FGF12: variants seen among roughly 807,000 people sequenced by gnomAD.
FGF12 encodes fibroblast growth factor 12B.
In FGF12, 14 loss-of-function variants were observed where a neutral mutation model predicts 23.6. That is an observed-to-expected ratio of 0.59 (90% CI 0.39 to 0.93). The LOEUF (loss-of-function observed/expected upper bound fraction) is 0.93. FGF12 is among the 40% of genes least tolerant of loss of function. The probability of loss-of-function intolerance (pLI) is 0.00; values close to 1 mark genes in which losing one functional copy is unlikely to be tolerated. For synonymous variants in FGF12, 62 were observed against 77.3 expected, an observed-to-expected ratio of 0.80 and a Z score of 1.04; for missense variants, 175 against 217.8, an observed-to-expected ratio of 0.80 and a Z score of 1.24.
At chr3:192,350,754 T>C (rs1206835552) in intron 3 of FGF12, among the ~76,000 whole-genome samples, 1 of 152,136 alleles carries the variant, frequency 6.6e-6, no homozygotes, top group Non-Finnish European at 1.5e-5. Context: ...TGAGATTATA[T>C]AAAACGTTAT....
intron 2 of FGF12, among the ~76,000 whole-genome samples, chr3:192,391,657 AT>A (rs1720297548): frequency 6.6e-6 from 1 of 152,238 alleles, no homozygotes; most frequent in Admixed American, 6.5e-5. Flanking sequence ...CAAATCTCCT[AT>A]ATGAAATACA....
intron 2 of FGF12, among the ~76,000 whole-genome samples, chr3:192,404,950 T>G (rs894695015): frequency 6.6e-5 from 10 of 152,158 alleles, no homozygotes; most frequent in South Asian, 2.1e-4. Context: ...ATACCAATGG[T>G]TAAAACTTTG....
At chr3:192,568,541 G>A (rs1235243515) in intron 2 of FGF12, among the ~76,000 whole-genome samples, 1 of 152,184 alleles carries the variant, frequency 6.6e-6, no homozygotes, top group East Asian at 1.9e-4. Context: ...CTTGGTCTAA[G>A]AGGAAATGAA....
intron 4 of FGF12, among the ~76,000 whole-genome samples, chr3:192,262,637 C>CA (rs1712830630): frequency 6.6e-6 from 1 of 152,048 alleles, no homozygotes; most frequent in Non-Finnish European, 1.5e-5. Flanking sequence ...GCATAGGAAC[C>CA]AGAGTCTATA....
At chr3:192,456,030 T>C (rs1722672806) in intron 2 of FGF12, among the ~76,000 whole-genome samples, 1 of 152,212 alleles carries the variant, frequency 6.6e-6, no homozygotes, top group Non-Finnish European at 1.5e-5. Context: ...TGTTATCAAC[T>C]CAACCTGACT....
At position 192,167,773 on chromosome 3, in the gene FGF12, T is replaced by TATATAA. The variant is rs1560175832; in HGVS notation, c.427+2684_427+2685insTTATAT. 2.6e-3 allele frequency among the ~76,000 whole-genome samples: 33 copies of TATATAA among 12,556 alleles called. 3 individuals carry two copies. The highest frequency in any genetic ancestry group is 5.6e-3 in the African/African-American group (29 of 5,158). The allele number at this position is 12,556 out of a possible 152,430, so 8.2% of individuals were successfully genotyped here. A position where few individuals can be genotyped will look rare whatever the true frequency, so the allele number is the denominator to read the frequency against. ...TATATATATATATATATATATAAAA[T>TATATAA]TTTTTTTTTTTTTTTTTTTTGAGAA... On this transcript the variant is annotated intron_variant, in intron 5 of 5. Coordinates refer to ENST00000445105, the MANE Select transcript of FGF12 (RefSeq NM_004113.6).
intron 4 of FGF12, among the ~76,000 whole-genome samples, chr3:192,236,616 T>A (rs892513170): frequency 6.6e-6 from 1 of 152,184 alleles, no homozygotes; most frequent in Non-Finnish European, 1.5e-5. Flanking sequence ...CCCTTATTTG[T>A]CCCTTTTGAT....
In FGF12 at chr3:192,714,573, C is replaced by A. The variant is rs1415895924; in HGVS notation, c.13+12608G>T. ...TCGCTCTGTCGCCCAGGCTGGAGTG[C>A]AGCGGCGCAATCTCGGCTCACTGCA... On this transcript the variant is annotated intron_variant, in intron 2 of 5. Coordinates refer to ENST00000445105, the MANE Select transcript of FGF12 (RefSeq NM_004113.6). Among the ~76,000 whole-genome samples, 6 of 130,618 alleles carry A rather than the reference C, an allele frequency of 4.6e-5. 1 individual carries two copies. The highest frequency in any genetic ancestry group is 9.1e-5 in the Admixed American group (1 of 10,976). The allele number at this position is 130,618 out of a possible 152,430, so 85.7% of individuals were successfully genotyped here. A position where few individuals can be genotyped will look rare whatever the true frequency, so the allele number is the denominator to read the frequency against.
intron 3 of FGF12, among the ~76,000 whole-genome samples, chr3:192,357,241 T>G (rs1718512725): frequency 1.3e-5 from 2 of 152,154 alleles, no homozygotes; most frequent in Admixed American, 6.5e-5. Flanking sequence ...CCCAGCACTT[T>G]GGGAGGCCGA....
At chr3:192,296,380 T>C (rs970618859) in intron 4 of FGF12, among the ~76,000 whole-genome samples, 2 of 151,858 alleles carry the variant, frequency 1.3e-5, no homozygotes, top group African/African-American at 4.8e-5. Context: ...CACACCATCA[T>C]GCCCAGCTTA....
intron 2 of FGF12, among the ~76,000 whole-genome samples, chr3:192,506,949 T>C (rs770674870): frequency 2.7e-5 from 4 of 149,676 alleles, no homozygotes; most frequent in Non-Finnish European, 5.9e-5. Context: ...TGGAGTGTAG[T>C]GGTGTGATCT....
Position 192,502,761 on chromosome 3 carries a change from A to G in FGF12, c.14-142223T>C, listed in dbSNP as rs138019003. Among the ~76,000 whole-genome samples the G allele has an allele frequency of 2.2e-3, 333 of 152,320 alleles. 2 individuals carry two copies. The highest frequency in any genetic ancestry group is 7.5e-3 in the African/African-American group (313 of 41,564). ...TGGAATGGGAGCAGGAATTTTCTCTATGGAATTGGGAGTAGCGCCTAATTG... is the reference window on the plus strand; with the variant it reads ...TGGAATGGGAGCAGGAATTTTCTCTGTGGAATTGGGAGTAGCGCCTAATTG... On this transcript the variant is annotated intron_variant, in intron 2 of 5. Coordinates refer to ENST00000445105, the MANE Select transcript of FGF12 (RefSeq NM_004113.6).
chr3:192,357,573 CA>C (rs1281701678), intron 3 of FGF12, among the ~76,000 whole-genome samples: 6 of 141,878 alleles, frequency 4.2e-5, no homozygotes, highest in Admixed American at 7.1e-5. Context: ...GATTCCGTCT[CA>C]AAAAAAAAAA....
chr3:192,188,630 G>A (rs9875942), intron 4 of FGF12, among the ~76,000 whole-genome samples: 39,684 of 152,166 alleles, frequency 0.26, 6,546 homozygotes, highest in African/African-American at 0.46. Context: ...GAGAAATACA[G>A]TAAGACAAAT....
intron 2 of FGF12, among the ~76,000 whole-genome samples, chr3:192,708,457 G>A (rs894620709): frequency 6.6e-6 from 1 of 152,008 alleles, no homozygotes; most frequent in African/African-American, 2.4e-5. Context: ...TATATTGAGG[G>A]CTTTATAGTA....
rs10651290 is a variant in FGF12 at position 192,361,169 on chromosome 3, C to CAAAA, written c.14-635_14-632dup. The stretch of plus-strand genomic sequence containing the variant: ...TGTTCCAAAGTTCATTTCTCCAGTA[C>CAAAA]AAAAAAAAAAAAAAAAAAAAAAATC... On this transcript the variant is annotated intron_variant, in intron 2 of 5. Transcript: ENST00000445105. Among the ~76,000 whole-genome samples, 71 of 98,666 alleles carry CAAAA rather than the reference C, an allele frequency of 7.2e-4. 1 individual carries two copies. Among genetic ancestry groups the CAAAA allele is most frequent in the East Asian group, 1.6e-3 (5 of 3,050 alleles). 64.7% of individuals were successfully genotyped at this position (98,666 alleles called of 152,430 possible).
At chr3:192,628,424 T>A (rs967769728) in intron 2 of FGF12, among the ~76,000 whole-genome samples, 3 of 148,022 alleles carry the variant, frequency 2.0e-5, no homozygotes, top group African/African-American at 7.5e-5. Flanking sequence ...ATACAATTTT[T>A]CATTCCAACC....
intron 5 of FGF12, among the ~76,000 whole-genome samples, chr3:192,144,440 A>C (rs1379875906): frequency 6.6e-6 from 1 of 152,184 alleles, no homozygotes; most frequent in Non-Finnish European, 1.5e-5. Flanking sequence ...CAGAGGAGAC[A>C]TGGGAAATAT....
intron 2 of FGF12, among the ~76,000 whole-genome samples, chr3:192,512,859 T>TATATATATATATATATATATATAA (rs376386122): frequency 0.014 from 818 of 56,872 alleles, 27 homozygotes; most frequent in African/African-American, 0.018. Context: ...TATATATATA[T>TATATATATATATATATATATATAA]AACAGGCTAT....
Sources: allele counts gnomAD v4.1 joint callset (sites outside exome capture counted in the v4.1 genomes callset), GRCh38; gene constraint gnomAD v4.1.1; transcripts MANE v1.5; gene names NCBI Gene and HGNC (gene_info 2026-07-23, HGNC 2026-07-21).